The following TTC27 variants were observed in gnomAD, a reference collection of about 807,000 sequenced individuals.
TTC27 encodes tetratricopeptide repeat domain 27, also known as tetratricopeptide repeat protein 27.
In TTC27, 79 loss-of-function variants were observed where a neutral mutation model predicts 115.9. That is an observed-to-expected ratio of 0.68 (90% CI 0.57 to 0.82). The LOEUF (loss-of-function observed/expected upper bound fraction) is 0.82, where lower values mean the gene tolerates loss of function less well. Ranked by LOEUF, TTC27 falls within the 40% of genes least tolerant of loss-of-function variation. The pLI is 0.00. For synonymous variants in TTC27, 401 were observed against 356.0 expected, an observed-to-expected ratio of 1.13 and a Z score of -1.42; for missense variants, 1,054 against 993.1, an observed-to-expected ratio of 1.06 and a Z score of -0.82.
At chr2:32,674,489 G>C (rs1334940008) in intron 8 of TTC27, among the ~76,000 whole-genome samples, 2 of 151,802 alleles carry the variant, frequency 1.3e-5, no homozygotes, top group African/African-American at 4.8e-5. Context: ...CTCACCCTTT[G>C]GTGTTCACCT....
intron 4 of TTC27, among the ~76,000 whole-genome samples, chr2:32,647,335 G>A (rs1218714138): frequency 6.6e-6 from 1 of 152,086 alleles, no homozygotes; most frequent in Non-Finnish European, 1.5e-5. Flanking sequence ...TGCCAGACCT[G>A]ACTCACTTAT....
intron 5 of TTC27, 79 bp downstream of exon 5, chr2:32,650,312 T>C: frequency 9.3e-7 from 1 of 1,072,444 alleles, no homozygotes. Flanking sequence ...TTTTAGTTTA[T>C]TTTTTGTCCG....
chr2:32,692,035 G>GTTTTTTTTTTTTTTTT (rs1559208253), intron 9 of TTC27, among the ~76,000 whole-genome samples: 1 of 59,124 alleles, frequency 1.7e-5, no homozygotes, highest in African/African-American at 5.2e-5. Flanking sequence ...TAATTTTTTA[G>GTTTTTTTTTTTTTTTT]GTTTTTTTTT....
intron 13 of TTC27, among the ~76,000 whole-genome samples, chr2:32,774,657 G>A (rs889813045): frequency 1.6e-4 from 25 of 152,074 alleles, no homozygotes. Context: ...GTTCTTAAGA[G>A]TATGACTATT....
intron 6 of TTC27, among the ~76,000 whole-genome samples, chr2:32,664,776 A>G (rs1424751262): frequency 1.3e-5 from 2 of 151,718 alleles, no homozygotes; most frequent in African/African-American, 2.4e-5. Flanking sequence ...TTTCCTGACC[A>G]AGTTTGGCCT....
At chr2:32,818,946 C>T (rs1464149134) in intron 19 of TTC27, among the ~76,000 whole-genome samples, 1 of 152,118 alleles carries the variant, frequency 6.6e-6, no homozygotes, top group Non-Finnish European at 1.5e-5. Flanking sequence ...TTCCTCCTAG[C>T]TTGGCAGCAC....
chr2:32,687,302 C>A (rs1024739452), intron 9 of TTC27, among the ~76,000 whole-genome samples: 1 of 152,104 alleles, frequency 6.6e-6, no homozygotes, highest in African/African-American at 2.4e-5. Context: ...TCTAGAGCAA[C>A]CACTTAAAAA....
At chr2:32,819,114 T>C (rs1255104352) in intron 19 of TTC27, among the ~76,000 whole-genome samples, 1 of 152,252 alleles carries the variant, frequency 6.6e-6, no homozygotes, top group Non-Finnish European at 1.5e-5. Flanking sequence ...ACTACCACAG[T>C]AGTTTACTTC....
At chr2:32,785,634 T>C (rs1670322180) in intron 15 of TTC27, among the ~76,000 whole-genome samples, 1 of 152,192 alleles carries the variant, frequency 6.6e-6, no homozygotes, top group Non-Finnish European at 1.5e-5. Flanking sequence ...CTCGCTCTGT[T>C]GCCCAGGCTG....
At chr2:32,669,523 T>G (rs1665928713) in intron 7 of TTC27, among the ~76,000 whole-genome samples, 1 of 152,154 alleles carries the variant, frequency 6.6e-6, no homozygotes, top group East Asian at 1.9e-4. Context: ...TAATAACCAT[T>G]TTTCAGGAAA....
At chr2:32,790,940 C>G (rs1041964993) in intron 16 of TTC27, among the ~76,000 whole-genome samples, 1 of 152,108 alleles carries the variant, frequency 6.6e-6, no homozygotes, top group African/African-American at 2.4e-5. Context: ...TAGAATATCT[C>G]TTATTTCTTT....
At chr2:32,652,313 G>A (rs1174993619) in intron 5 of TTC27, among the ~76,000 whole-genome samples, 3 of 152,176 alleles carry the variant, frequency 2.0e-5, no homozygotes, top group Non-Finnish European at 2.9e-5. Context: ...GGAGGTTGCA[G>A]TGAGCTGAGA....
chr2:32,786,067 C>G (rs764438035), intron 15 of TTC27, among the ~76,000 whole-genome samples: 1 of 152,066 alleles, frequency 6.6e-6, no homozygotes, highest in Non-Finnish European at 1.5e-5. Flanking sequence ...AAAGGCTTGA[C>G]AAATTGTTAA....
intron 16 of TTC27, among the ~76,000 whole-genome samples, chr2:32,793,668 G>A (rs912755714): frequency 1.3e-5 from 2 of 151,918 alleles, no homozygotes; most frequent in African/African-American, 4.8e-5. Context: ...GATTATAGGT[G>A]CCTGCCACCA....
intron 13 of TTC27, among the ~76,000 whole-genome samples, chr2:32,765,138 G>A (rs987017000): frequency 6.6e-6 from 1 of 152,122 alleles, no homozygotes; most frequent in Non-Finnish European, 1.5e-5. Flanking sequence ...GCTTTGCCCA[G>A]ATCCATCAGA....
In TTC27 at chr2:32,638,930, TCA is replaced by T. The variant is rs372504968; in HGVS notation, c.397-1337_397-1336del. On this transcript the variant is annotated intron_variant, in intron 3 of 19. Transcript: ENST00000317907. ...TCACTGCAAGCTCCACCTCCTGGGTTCACAACATTCTCCTGCCTCAGCCTCCC... is the reference window on the plus strand; with the variant it reads ...TCACTGCAAGCTCCACCTCCTGGGTTCAACATTCTCCTGCCTCAGCCTCCC... 2.7e-3 allele frequency among the ~76,000 whole-genome samples: 406 copies of T among 152,096 alleles called. 5 individuals carry two copies. Among genetic ancestry groups the T allele is most frequent in the African/African-American group, 9.2e-3 (382 of 41,492 alleles).
intron 13 of TTC27, among the ~76,000 whole-genome samples, chr2:32,767,562 C>T (rs901645021): frequency 2.9e-4 from 43 of 147,476 alleles, no homozygotes; most frequent in African/African-American, 1.0e-3. Context: ...CCCAGGTTCA[C>T]GCCATTCTCC....
chr2:32,672,345 A>C lies in TTC27; in HGVS notation c.1013A>C (p.Asp338Ala). Reference protein sequence around the residue: ...LADCEQFQMPDLCAEEIAIIL... With the variant: ...LADCEQFQMPALCAEEIAIIL... ...GATTGTGAACAGTTCCAGATGCCGG[A>C]TCTGTGTGCTGAAGAGATCGCTATT... Residue 338 changes from aspartate (D) to alanine (A), a missense_variant, in exon 8 of 20, where the codon GAT (aspartate) becomes GCT (alanine). Transcript: ENST00000317907. The C allele has an allele frequency of 6.2e-7, 1 of 1,613,944 alleles. No individual in the cohort carries two copies. Among genetic ancestry groups the C allele is most frequent in the South Asian group, 1.1e-5 (1 of 91,072 alleles).
Position 32,794,443 on chromosome 2 carries a change from G to A in TTC27, c.1998+7294G>A, listed in dbSNP as rs570764611. Among the ~76,000 whole-genome samples the A allele has an allele frequency of 9.9e-5, 15 of 152,212 alleles. No individual in the cohort carries two copies. In the East Asian group the frequency reaches 1.3e-3, roughly 14 times the overall value. On this transcript the variant is annotated intron_variant, in intron 16 of 19. Coordinates refer to ENST00000317907, the MANE Select transcript of TTC27 (RefSeq NM_017735.5). ...CATACCAAAACTTGTAGGACACAGC[G>A]AAAGCATTGCTAAGGAAGAAATTTA...
Sources: gnomAD v4.1 joint callset for allele counts (sites outside exome capture counted in the v4.1 genomes callset) on GRCh38, gnomAD v4.1.1 for gene constraint, MANE v1.5 for transcripts, NCBI Gene and HGNC (gene_info 2026-07-23, HGNC 2026-07-21) for gene names.